Variants in SLC36A3 observed in about 807,000 individuals in gnomAD.
SLC36A3 encodes solute carrier family 36 member 3.
A neutral mutation model predicts 44.3 loss-of-function variants in SLC36A3; 35 were observed. That is an observed-to-expected ratio of 0.79 (90% CI 0.60 to 1.05). SLC36A3 has a LOEUF of 1.05. SLC36A3 is among the 50% of genes least tolerant of loss of function. The pLI is 0.00. For synonymous variants in SLC36A3, 211 were observed against 227.6 expected, an observed-to-expected ratio of 0.93 and a Z score of 0.66; for missense variants, 540 against 578.7, an observed-to-expected ratio of 0.93 and a Z score of 0.69.
intron 7 of SLC36A3, 22 bp from the exon 8 acceptor site, chr5:151,284,232 G>A: frequency 6.3e-7 from 1 of 1,587,672 alleles, no homozygotes; most frequent in Non-Finnish European, 8.5e-7. Context: ...AAAAAAAGTT[G>A]GGAAAGAAAA....
At chr5:151,288,359 C>A (rs551696959) in intron 5 of SLC36A3, 27 bp downstream of exon 5, 7 of 1,551,242 alleles carry the variant, frequency 4.5e-6, no homozygotes, top group Non-Finnish European at 6.1e-6. Context: ...GCTTTTCCCC[C>A]ACTCTGCCCA....
chr5:151,286,261 C>A (rs960435732), intron 6 of SLC36A3, among the ~76,000 whole-genome samples: 5 of 152,170 alleles, frequency 3.3e-5, no homozygotes, highest in African/African-American at 1.2e-4. Context: ...TGCTCAAGTC[C>A]TTGATATAAA....
At chr5:151,279,653 C>G (rs1754237082) in intron 9 of SLC36A3, among the ~76,000 whole-genome samples, 1 of 152,196 alleles carries the variant, frequency 6.6e-6, no homozygotes. Flanking sequence ...ACAAACAATA[C>G]TATTTACAGC....
chr5:151,299,264 C>A (rs2431071), intron 1 of SLC36A3, among the ~76,000 whole-genome samples: 18,178 of 58,588 alleles, frequency 0.31, 2,511 homozygotes, highest in East Asian at 0.44. Context: ...CTCTCTCTCT[C>A]TATATATATA....
chr5:151,301,694 G>T (rs1391799873), intron 1 of SLC36A3, among the ~76,000 whole-genome samples: 2 of 148,546 alleles, frequency 1.3e-5, no homozygotes, highest in Non-Finnish European at 3.0e-5. Context: ...TCGCGCCACT[G>T]CACTCCAGCC....
rs1276522293 is a variant in SLC36A3 at position 151,276,393 on chromosome 5, A to G, written c.*1000T>C. 6.6e-6 allele frequency among the ~76,000 whole-genome samples: 1 copy of G among 152,130 alleles called. No homozygotes were observed. Among genetic ancestry groups the G allele is most frequent in the Non-Finnish European group, 1.5e-5 (1 of 68,000 alleles). On this transcript the variant is annotated 3_prime_UTR_variant, in exon 10 of 10. Transcript: ENST00000335230. ...CTGGATTTTGTCATTCAGCATATTT[A>G]TTTTAAGATTCATACATTTTATTGT...
intron 8 of SLC36A3, 132 bp downstream of exon 8, chr5:151,283,912 G>T: frequency 1.7e-6 from 2 of 1,157,462 alleles, no homozygotes; most frequent in Non-Finnish European, 2.4e-6. Context: ...TGCAGTGTGA[G>T]CAGGAGAGAC....
At chr5:151,302,951 C>A (rs898192131) in intron 1 of SLC36A3, among the ~76,000 whole-genome samples, 2 of 152,028 alleles carry the variant, frequency 1.3e-5, no homozygotes, top group Non-Finnish European at 2.9e-5. Context: ...AAGGAAAGGG[C>A]AGACAGCCTG....
rs372754508 is a variant in SLC36A3, at chr5:151,276,699, C to T, written c.*694G>A. 6.6e-6 allele frequency: 1 copy of T among 152,302 alleles called. No homozygotes were observed. The highest frequency in any genetic ancestry group is 1.9e-4 in the East Asian group (1 of 5,204). The allele number at this position is 152,302 out of a possible 1,614,324, so 9.4% of individuals were successfully genotyped here. On this transcript the variant is annotated 3_prime_UTR_variant, in exon 10 of 10. Transcript: ENST00000335230. ...AACTGATTGTACTACTTTCTATCCA[C>T]ATAGCAGGGTATGGAGTTTCAGTTA...
intron 2 of SLC36A3, chr5:151,297,817 T>C (rs1345679311): frequency 1.3e-5 from 2 of 151,970 alleles, no homozygotes; most frequent in Non-Finnish European, 2.9e-5. Flanking sequence ...AAAAATTAGC[T>C]GGGCGTGGTG....
At chr5:151,279,467 G>C (rs1210469276) in intron 9 of SLC36A3, among the ~76,000 whole-genome samples, 1 of 152,186 alleles carries the variant, frequency 6.6e-6, no homozygotes, top group Non-Finnish European at 1.5e-5. Flanking sequence ...AATGAATAAA[G>C]GGTAAAGGGT....
intron 4 of SLC36A3, 145 bp from the exon 5 acceptor site, chr5:151,288,615 CA>C: frequency 3.1e-6 from 2 of 636,974 alleles, no homozygotes; most frequent in Non-Finnish European, 5.0e-6. Context: ...ATTTTTAAGC[CA>C]AAAAGTTGAA....
intron 5 of SLC36A3, 86 bp downstream of exon 5, chr5:151,288,300 G>T: frequency 9.8e-7 from 1 of 1,023,922 alleles, no homozygotes; most frequent in South Asian, 2.1e-5. Context: ...CTCCTCCCAT[G>T]AGCCTAACAC....
chr5:151,303,627 T>G lies in SLC36A3; in HGVS notation c.-273A>C. On this transcript the variant is annotated 5_prime_UTR_variant, in exon 1 of 10. Coordinates refer to ENST00000335230, the MANE Select transcript of SLC36A3 (RefSeq NM_181774.4). ...GTCCTCAGTTTCACTCGCAATTGCTTGCCCAACCAGGACTTGCCTGGGCTT... is the reference window on the plus strand; with the variant it reads ...GTCCTCAGTTTCACTCGCAATTGCTGGCCCAACCAGGACTTGCCTGGGCTT... 1 of 361,406 alleles carries G rather than the reference T, an allele frequency of 2.8e-6. No homozygotes were observed. 22.4% of individuals were successfully genotyped at this position (361,406 alleles called of 1,614,324 possible).
intron 8 of SLC36A3, among the ~76,000 whole-genome samples, chr5:151,281,385 G>T (rs528959522): frequency 4.9e-4 from 75 of 152,300 alleles, no homozygotes; most frequent in African/African-American, 1.7e-3. Flanking sequence ...CTGAATTATA[G>T]AACTGGCTAA....
chr5:151,282,014 A>T (rs977812198), intron 8 of SLC36A3, among the ~76,000 whole-genome samples: 12 of 152,066 alleles, frequency 7.9e-5, no homozygotes, highest in African/African-American at 2.9e-4. Flanking sequence ...GAATGTAGGA[A>T]CATACATGCA....
rs1754575161 is a variant in SLC36A3 at position 151,287,357 on chromosome 5, G to C, written c.597C>G (p.Phe199Leu). The C allele has an allele frequency of 1.2e-6, 2 of 1,614,036 alleles. No homozygotes were observed. The highest frequency in any genetic ancestry group is 1.7e-5 in the Admixed American group (1 of 60,008). The change falls in exon 6 of 10, where the codon TTC (phenylalanine) becomes TTG (leucine). Residue 199 changes from phenylalanine (F) to leucine (L), a missense_variant. Physicochemically the swap from Phe to Leu is conservative, Grantham distance 22 (BLOSUM62 0). Coordinates refer to ENST00000335230, the MANE Select transcript of SLC36A3 (RefSeq NM_181774.4). ...TCTGGATAAACACCAACAGGATCAG[G>C]AAGGGCAGGATTATCAGCATGTAGA... ...IRFYMLIILPFLILLVFIQNL... is the reference protein window; with the variant it reads ...IRFYMLIILPLLILLVFIQNL...
Position 151,293,395 on chromosome 5 carries a change from T to G in SLC36A3, c.373A>C (p.Thr125Pro). ...CACACTGCATGGGCCCTCAGCCAGG[T>G]GTTCGGGCAGGTTTCAAGGCCGTAC... ...TMYGLETCPNTWLRAHAVWGR... is the reference protein window; with the variant it reads ...TMYGLETCPNPWLRAHAVWGR... The change falls in exon 4 of 10, where the codon ACC becomes CCC. Residue 125 changes from threonine to proline, a missense_variant. Physicochemically the swap from Thr to Pro is conservative, Grantham distance 38 (BLOSUM62 -1). Transcript: ENST00000335230. 1 of 1,613,818 alleles carries G rather than the reference T, an allele frequency of 6.2e-7. No homozygotes were observed.
At chr5:151,291,403 T>C (rs1017641117) in intron 4 of SLC36A3, among the ~76,000 whole-genome samples, 9 of 152,236 alleles carry the variant, frequency 5.9e-5, no homozygotes, top group Admixed American at 6.5e-5. Flanking sequence ...TTAAGTCTCT[T>C]AAGTTTTTTA....
Sources: gnomAD v4.1 joint callset for allele counts (sites outside exome capture counted in the v4.1 genomes callset) on GRCh38, gnomAD v4.1.1 for gene constraint, MANE v1.5 for transcripts, NCBI Gene and HGNC (gene_info 2026-07-23, HGNC 2026-07-21) for gene names.